The following ERC1 variants were observed in gnomAD, a reference collection of about 807,000 sequenced individuals.
The protein encoded by ERC1 is RAB6 interacting protein 2.
ERC1 carries 56 observed loss-of-function variants against 132.0 expected under a neutral mutation model. The observed-to-expected ratio is 0.42, with a 90% CI of 0.34 to 0.53. The LOEUF is 0.53. Among genes scored for constraint, ERC1 ranks in the 20% least tolerant of loss-of-function variants. The pLI, the probability that ERC1 is intolerant of heterozygous loss-of-function variation, is 0.03. For missense variants in ERC1, 1,202 were observed against 1,349.9 expected, an observed-to-expected ratio of 0.89 and a Z score of 1.72; for synonymous variants, 478 against 476.1, an observed-to-expected ratio of 1.00 and a Z score of -0.05.
Position 1,495,541 on chromosome 12 carries a change from C to G in ERC1, c.*5311C>G. The G allele has an allele frequency of 4.4e-6, 1 of 229,330 alleles. No homozygotes were observed. Among genetic ancestry groups the G allele is most frequent in the Non-Finnish European group, 8.7e-6 (1 of 115,562 alleles). The allele number at this position is 229,330 out of a possible 1,614,324, so 14.2% of individuals were successfully genotyped here. ...CATCCTGAGGGCAGCACCACCCACT[C>G]TGGCCTGCTGGCCCATCGCAGGACT... On this transcript the variant is annotated 3_prime_UTR_variant, in exon 19 of 19. Transcript: ENST00000360905.
intron 5 of ERC1, among the ~76,000 whole-genome samples, chr12:1,111,487 A>G (rs1370700318): frequency 6.6e-6 from 1 of 152,152 alleles, no homozygotes; most frequent in Non-Finnish European, 1.5e-5. Flanking sequence ...GCTTCTTGCC[A>G]TGGTGCCCAT....
intron 13 of ERC1, 143 bp downstream of exon 13, chr12:1,237,047 C>A: frequency 2.1e-6 from 2 of 966,814 alleles, no homozygotes; most frequent in Non-Finnish European, 3.0e-6. Context: ...AACTGTTTAG[C>A]AATGAAGGAA....
At position 1,453,224 on chromosome 12, in the gene ERC1, G is replaced by A. The variant is rs532363189; in HGVS notation, c.3213+8474G>A. Among the ~76,000 whole-genome samples, 4 of 151,878 alleles carry A rather than the reference G, an allele frequency of 2.6e-5. No homozygotes were observed. In the East Asian group the frequency reaches 5.8e-4, roughly 22 times the overall value. On this transcript the variant is annotated intron_variant, in intron 18 of 18. Coordinates refer to ENST00000360905, the MANE Select transcript of ERC1 (RefSeq NM_178040.4). ...CTACTCAGCACAGGTCTAGACTGTC[G>A]GCTGATTTCCTACCCCTTCCCCAGT...
At chr12:1,381,013 A>G (rs962564409) in intron 16 of ERC1, 1 of 152,234 alleles carries the variant, frequency 6.6e-6, no homozygotes, top group Non-Finnish European at 1.5e-5. Flanking sequence ...GAGAGCATTT[A>G]TGTACCCATT....
intron 17 of ERC1, among the ~76,000 whole-genome samples, chr12:1,417,435 C>CT (rs748237380): frequency 0.06 from 8,698 of 145,000 alleles, 361 homozygotes; most frequent in African/African-American, 0.11. Context: ...ACTGCTGCTG[C>CT]TTTTTTTTTT....
At chr12:1,458,659 C>T (rs536328439) in intron 18 of ERC1, among the ~76,000 whole-genome samples, 3 of 152,142 alleles carry the variant, frequency 2.0e-5, no homozygotes, top group Non-Finnish European at 2.9e-5. Flanking sequence ...CTCAGCCTCC[C>T]GAGTAACTGA....
intron 17 of ERC1, chr12:1,430,324 G>C (rs1384959602): frequency 2.0e-5 from 3 of 152,080 alleles, no homozygotes; most frequent in African/African-American, 7.2e-5. Context: ...ACACTGAGTG[G>C]GGTATTAGGG....
chr12:1,198,664 G>T (rs1226756952), intron 12 of ERC1, among the ~76,000 whole-genome samples: 1 of 152,102 alleles, frequency 6.6e-6, no homozygotes, highest in African/African-American at 2.4e-5. Flanking sequence ...GTTTTAATTG[G>T]CTCATGTTTC....
chr12:1,379,882 C>T lies in ERC1; in HGVS notation c.2925+7905C>T, dbSNP rs367954036. Among the ~76,000 whole-genome samples the T allele has an allele frequency of 3.2e-4, 49 of 152,212 alleles. 1 individual carries two copies. In the South Asian group the frequency reaches 6.4e-3, roughly 20 times the overall value. On this transcript the variant is annotated intron_variant, in intron 16 of 18. Transcript: ENST00000360905. Reference sequence around the variant, plus strand: ...TATAGGAGGGGACAGCACAGTGATGCGAATACCTGGAGACAGAGATCCTTG... The same window carrying T: ...TATAGGAGGGGACAGCACAGTGATGTGAATACCTGGAGACAGAGATCCTTG...
intron 12 of ERC1, among the ~76,000 whole-genome samples, chr12:1,212,136 A>G (rs1007430822): frequency 6.6e-6 from 1 of 151,924 alleles, no homozygotes; most frequent in African/African-American, 2.4e-5. Flanking sequence ...TATAAGTCCT[A>G]TATACTTTGG....
intron 2 of ERC1, among the ~76,000 whole-genome samples, chr12:1,078,672 CA>C (rs1182001017): frequency 6.6e-6 from 1 of 152,060 alleles, no homozygotes; most frequent in Admixed American, 6.6e-5. Flanking sequence ...ACATACACAG[CA>C]GGTGAAAGGT....
chr12:1,315,972 A>G (rs2081674519), intron 15 of ERC1, among the ~76,000 whole-genome samples: 2 of 151,940 alleles, frequency 1.3e-5, no homozygotes, highest in African/African-American at 2.4e-5. Flanking sequence ...GCTCACTGCA[A>G]GCTCCACCTC....
chr12:1,029,269 G>T (rs866489968), intron 2 of ERC1, among the ~76,000 whole-genome samples: 26 of 152,124 alleles, frequency 1.7e-4, no homozygotes, highest in Admixed American at 4.6e-4. Context: ...GGAGAATCAC[G>T]TAAACCTGGG....
intron 17 of ERC1, among the ~76,000 whole-genome samples, chr12:1,408,856 A>T (rs73597948): frequency 0.019 from 2,876 of 152,308 alleles, 85 homozygotes; most frequent in African/African-American, 0.066. Context: ...TTCTTGGAAG[A>T]AGGGAACTCT....
intron 1 of ERC1, among the ~76,000 whole-genome samples, chr12:1,004,298 C>T (rs1045112695): frequency 2.1e-4 from 32 of 151,350 alleles, no homozygotes; most frequent in African/African-American, 7.5e-4. Flanking sequence ...TGTTTCGTAT[C>T]TATTGGATGC....
chr12:1,416,055 C>T (rs1481410025), intron 17 of ERC1, among the ~76,000 whole-genome samples: 1 of 152,194 alleles, frequency 6.6e-6, no homozygotes, highest in East Asian at 1.9e-4. Flanking sequence ...TTACACCATA[C>T]CCAAAGAGGA....
chr12:1,315,571 G>A (rs779758322), intron 15 of ERC1, among the ~76,000 whole-genome samples: 3 of 152,096 alleles, frequency 2.0e-5, no homozygotes, highest in South Asian at 2.1e-4. Flanking sequence ...GGCTGGTCTC[G>A]AACTCCTGAC....
At chr12:1,208,160 A>C (rs1054061415) in intron 12 of ERC1, among the ~76,000 whole-genome samples, 2 of 152,190 alleles carry the variant, frequency 1.3e-5, no homozygotes, top group African/African-American at 4.8e-5. Flanking sequence ...TTCGGGTCAT[A>C]GCTACTAAGT....
At chr12:1,135,891 A>G (rs953949492) in intron 7 of ERC1, among the ~76,000 whole-genome samples, 1 of 152,228 alleles carries the variant, frequency 6.6e-6, no homozygotes, top group African/African-American at 2.4e-5. Flanking sequence ...GTCCTAAGAG[A>G]GTAAAACAGT....
Sources: allele counts gnomAD v4.1 joint callset (sites outside exome capture counted in the v4.1 genomes callset), GRCh38; gene constraint gnomAD v4.1.1; transcripts MANE v1.5; gene names NCBI Gene and HGNC (gene_info 2026-07-23, HGNC 2026-07-21).